SPAG16: variants seen among roughly 807,000 people sequenced by gnomAD.
The protein encoded by SPAG16 is sperm-associated antigen 16 protein.
A neutral mutation model predicts 80.4 loss-of-function variants in SPAG16; 86 were observed. The observed-to-expected ratio is 1.07, with a 90% CI of 0.90 to 1.28. The LOEUF (loss-of-function observed/expected upper bound fraction) is 1.28. SPAG16 is among the 50% of genes most tolerant of loss of function. SPAG16 has a pLI of 0.00. For synonymous variants in SPAG16, 294 were observed against 265.9 expected, an observed-to-expected ratio of 1.11 and a Z score of -1.03; for missense variants, 870 against 765.3, an observed-to-expected ratio of 1.14 and a Z score of -1.61.
intron 15 of SPAG16, among the ~76,000 whole-genome samples, chr2:214,405,028 A>G (rs1701918637): frequency 6.6e-6 from 1 of 152,200 alleles, no homozygotes; most frequent in African/African-American, 2.4e-5. Flanking sequence ...TGAGATTAAC[A>G]TGAGCATTAA....
chr2:214,260,509 G>T (rs527580846), intron 15 of SPAG16, among the ~76,000 whole-genome samples: 2 of 151,866 alleles, frequency 1.3e-5, no homozygotes, highest in South Asian at 4.2e-4. Flanking sequence ...TTTAGTCCTT[G>T]GTTCATCTGA....
At chr2:213,566,249 A>G (rs561143786) in intron 10 of SPAG16, among the ~76,000 whole-genome samples, 1 of 152,214 alleles carries the variant, frequency 6.6e-6, no homozygotes, top group African/African-American at 2.4e-5. Flanking sequence ...AAACGATGCT[A>G]GCAGGAGTAA....
intron 14 of SPAG16, among the ~76,000 whole-genome samples, chr2:214,109,225 G>A (rs1352071234): frequency 6.6e-6 from 1 of 152,130 alleles, no homozygotes; most frequent in Non-Finnish European, 1.5e-5. Context: ...GTGGTTTTCT[G>A]TAATAGCAAC....
At chr2:213,821,355 A>G (rs2072920780) in intron 10 of SPAG16, among the ~76,000 whole-genome samples, 1 of 152,112 alleles carries the variant, frequency 6.6e-6, no homozygotes, top group Non-Finnish European at 1.5e-5. Context: ...AAAATGATGC[A>G]ATTTTAAAAT....
At chr2:213,655,912 C>T (rs571936169) in intron 10 of SPAG16, among the ~76,000 whole-genome samples, 16 of 152,176 alleles carry the variant, frequency 1.1e-4, no homozygotes, top group African/African-American at 3.6e-4. Context: ...AAAAAATACA[C>T]GAACAATTGT....
intron 10 of SPAG16, among the ~76,000 whole-genome samples, chr2:213,574,764 T>C (rs2060061238): frequency 6.6e-6 from 1 of 150,534 alleles, no homozygotes; most frequent in South Asian, 2.1e-4. Context: ...TTTCTCTTAG[T>C]CAATTGTGAA....
At chr2:213,574,695 G>GATAT (rs1176684257) in intron 10 of SPAG16, among the ~76,000 whole-genome samples, 1 of 144,126 alleles carries the variant, frequency 6.9e-6, no homozygotes, top group Non-Finnish European at 1.5e-5. Flanking sequence ...ATATATATAT[G>GATAT]ATATATGATA....
intron 10 of SPAG16, among the ~76,000 whole-genome samples, chr2:213,585,339 C>T (rs371290779): frequency 2.2e-4 from 32 of 147,536 alleles, no homozygotes; most frequent in African/African-American, 7.0e-4. Flanking sequence ...TGCAGTGGTG[C>T]GATCTTGGCT....
intron 14 of SPAG16, among the ~76,000 whole-genome samples, chr2:214,135,839 C>T (rs1025323729): frequency 1.3e-5 from 2 of 152,164 alleles, no homozygotes; most frequent in Admixed American, 6.6e-5. Context: ...GAAGCCCTCA[C>T]CAGAAGCAGA....
chr2:213,813,854 A>C (rs1043422467), intron 10 of SPAG16, among the ~76,000 whole-genome samples: 1 of 152,174 alleles, frequency 6.6e-6, no homozygotes, highest in African/African-American at 2.4e-5. Context: ...ACATCAAAAA[A>C]TACAAAACAG....
chr2:213,792,708 C>T (rs1335817047), intron 10 of SPAG16, among the ~76,000 whole-genome samples: 3 of 150,010 alleles, frequency 2.0e-5, no homozygotes, highest in Non-Finnish European at 4.4e-5. Context: ...CTCAGCCTCC[C>T]GAGTAGCTGG....
intron 15 of SPAG16, among the ~76,000 whole-genome samples, chr2:214,154,098 C>T (rs1576365180): frequency 6.6e-6 from 1 of 152,092 alleles, no homozygotes; most frequent in Non-Finnish European, 1.5e-5. Context: ...ACCTGGCCTA[C>T]TCAAAATGCC....
intron 12 of SPAG16, among the ~76,000 whole-genome samples, chr2:213,953,372 C>A: frequency 6.6e-6 from 1 of 151,154 alleles, no homozygotes; most frequent in East Asian, 1.9e-4. Context: ...AGGTTGGGGG[C>A]CATTTAGGAA....
At chr2:213,468,337 G>C (rs939056063) in intron 9 of SPAG16, among the ~76,000 whole-genome samples, 2 of 145,136 alleles carry the variant, frequency 1.4e-5, no homozygotes. Flanking sequence ...CTCTCTAGAG[G>C]GACAGAACTA....
chr2:213,546,550 T>C (rs1449460408), intron 10 of SPAG16, among the ~76,000 whole-genome samples: 1 of 152,042 alleles, frequency 6.6e-6, no homozygotes, highest in Non-Finnish European at 1.5e-5. Flanking sequence ...TCTCGGTAAC[T>C]GTGCTAGGCA....
chr2:213,616,150 T>G (rs1394721157), intron 10 of SPAG16, among the ~76,000 whole-genome samples: 1 of 152,198 alleles, frequency 6.6e-6, no homozygotes, highest in Non-Finnish European at 1.5e-5. Context: ...TACCATTAAG[T>G]GGAAGAGGGG....
At chr2:213,382,804 A>G (rs1434719320) in intron 9 of SPAG16, among the ~76,000 whole-genome samples, 1 of 152,144 alleles carries the variant, frequency 6.6e-6, no homozygotes, top group Non-Finnish European at 1.5e-5. Flanking sequence ...TTTTAGCAAT[A>G]TAGTGGAATA....
intron 15 of SPAG16, among the ~76,000 whole-genome samples, chr2:214,384,482 G>T (rs1700637864): frequency 6.6e-6 from 1 of 152,200 alleles, no homozygotes; most frequent in Non-Finnish European, 1.5e-5. Flanking sequence ...GGGTTTCAGA[G>T]TAGTGCCATA....
rs1559338009 is a variant in SPAG16, at chr2:213,643,402, A to ATATG, written c.1070+153315_1070+153316insGTAT. Among the ~76,000 whole-genome samples, 18 of 46,796 alleles carry ATATG rather than the reference A, an allele frequency of 3.8e-4. 1 individual carries two copies. The highest frequency in any genetic ancestry group is 1.5e-3 in the South Asian group (2 of 1,336). 30.7% of individuals were successfully genotyped at this position (46,796 alleles called of 152,430 possible). A position where few individuals can be genotyped will look rare whatever the true frequency, so the allele number is the denominator to read the frequency against. On this transcript the variant is annotated intron_variant, in intron 10 of 15. Transcript: ENST00000331683. The stretch of plus-strand genomic sequence containing the variant: ...TATATATATATATATATATATATAT[A>ATATG]TATATATATTTTATCTCTTGCTGCT...
Sources: gnomAD v4.1 joint callset for allele counts (sites outside exome capture counted in the v4.1 genomes callset) on GRCh38, gnomAD v4.1.1 for gene constraint, MANE v1.5 for transcripts, NCBI Gene and HGNC (gene_info 2026-07-23, HGNC 2026-07-21) for gene names.